ABHD17C: variants seen among roughly 807,000 people sequenced by gnomAD.
The protein encoded by ABHD17C is abhydrolase domain containing 17C, depalmitoylase.
Under a neutral mutation model 27.9 loss-of-function variants are expected in ABHD17C, and 11 were observed. The ratio of observed to expected loss-of-function variants is 0.39; its 90% CI spans 0.25 to 0.65. ABHD17C has a LOEUF of 0.65. ABHD17C is among the 30% of genes least tolerant of loss of function. The pLI, the probability that ABHD17C is intolerant of heterozygous loss-of-function variation, is 0.45. For synonymous variants in ABHD17C, 233 were observed against 209.1 expected (o/e 1.11, Z -0.98); for missense variants, 280 against 470.2 (o/e 0.60, Z 3.74).
intron 1 of ABHD17C, among the ~76,000 whole-genome samples, chr15:80,701,244 A>G (rs1479938234): frequency 2.0e-5 from 3 of 152,146 alleles, no homozygotes; most frequent in South Asian, 2.1e-4. Context: ...ATTCTCCTCC[A>G]GTAGCAAGTT....
At chr15:80,723,231 T>C (rs1274465256) in intron 1 of ABHD17C, among the ~76,000 whole-genome samples, 1 of 152,150 alleles carries the variant, frequency 6.6e-6, no homozygotes, top group Admixed American at 6.5e-5. Flanking sequence ...CCTGTGTTTT[T>C]CATTGTGAGC....
At chr15:80,733,978 TA>T (rs1895091102) in intron 1 of ABHD17C, among the ~76,000 whole-genome samples, 2 of 150,898 alleles carry the variant, frequency 1.3e-5, no homozygotes, top group Admixed American at 6.6e-5. Flanking sequence ...TTTATTTATT[TA>T]TTTATTTATT....
chr15:80,730,965 G>A (rs949294186), intron 1 of ABHD17C, among the ~76,000 whole-genome samples: 1 of 152,158 alleles, frequency 6.6e-6, no homozygotes, highest in African/African-American at 2.4e-5. Flanking sequence ...GTTTCATTAT[G>A]TTTGTACACT....
chr15:80,705,333 T>TTTTTTGTGTGTGTGTG (rs10523879), intron 1 of ABHD17C, among the ~76,000 whole-genome samples: 3 of 106,890 alleles, frequency 2.8e-5, no homozygotes, highest in African/African-American at 1.1e-4. Flanking sequence ...TTCCTATGAT[T>TTTTTTGTGTGTGTGTG]TGTGTGTGTG....
chr15:80,749,725 C>T (rs1035805829), intron 2 of ABHD17C, 33 bp downstream of exon 2: 1 of 1,589,570 alleles, frequency 6.3e-7, no homozygotes, highest in Admixed American at 1.7e-5. Context: ...AGTGGTAAGT[C>T]AGCCAATGAC....
chr15:80,721,398 G>A (rs1298521556), intron 1 of ABHD17C, among the ~76,000 whole-genome samples: 2 of 152,020 alleles, frequency 1.3e-5, no homozygotes, highest in African/African-American at 2.4e-5. Context: ...CTTGTATGTT[G>A]GTAGGTTAGC....
intron 1 of ABHD17C, among the ~76,000 whole-genome samples, chr15:80,737,205 G>A (rs779208944): frequency 2.6e-5 from 4 of 152,164 alleles, no homozygotes; most frequent in African/African-American, 4.8e-5. Flanking sequence ...ATGATTCAGG[G>A]CTGTGGCTTC....
chr15:80,720,964 G>A (rs192596148), intron 1 of ABHD17C, among the ~76,000 whole-genome samples: 1 of 151,892 alleles, frequency 6.6e-6, no homozygotes, highest in Admixed American at 6.6e-5. Flanking sequence ...CACTTAATGG[G>A]GGCCCTTACC....
At chr15:80,725,274 C>A (rs1409493120) in intron 1 of ABHD17C, among the ~76,000 whole-genome samples, 1 of 152,194 alleles carries the variant, frequency 6.6e-6, no homozygotes. Context: ...GTCAGCAGAC[C>A]CTTGGAATGG....
At chr15:80,741,597 A>G (rs1895212862) in intron 1 of ABHD17C, among the ~76,000 whole-genome samples, 1 of 152,142 alleles carries the variant, frequency 6.6e-6, no homozygotes, top group Admixed American at 6.5e-5. Context: ...TTAAGTTGAG[A>G]ACTTCCTATT....
intron 2 of ABHD17C, among the ~76,000 whole-genome samples, chr15:80,751,942 T>A (rs2141525545): frequency 6.6e-6 from 1 of 152,374 alleles, no homozygotes; most frequent in East Asian, 1.9e-4. Context: ...GAATCATCTG[T>A]GTCCCTCTCC....
At chr15:80,705,839 T>C (rs948862277) in intron 1 of ABHD17C, among the ~76,000 whole-genome samples, 1 of 152,190 alleles carries the variant, frequency 6.6e-6, no homozygotes, top group Non-Finnish European at 1.5e-5. Flanking sequence ...TTAAATCTGA[T>C]AGCATTTCAT....
At chr15:80,713,710 G>A (rs1894762065) in intron 1 of ABHD17C, among the ~76,000 whole-genome samples, 1 of 152,050 alleles carries the variant, frequency 6.6e-6, no homozygotes, top group Admixed American at 6.6e-5. Context: ...TCGGGAGGCT[G>A]AGGCACGAGA....
intron 1 of ABHD17C, among the ~76,000 whole-genome samples, chr15:80,720,485 A>T (rs1169867434): frequency 6.6e-6 from 1 of 152,176 alleles, no homozygotes; most frequent in Admixed American, 6.5e-5. Context: ...GGCACCTGGA[A>T]TGCAGAGCCT....
At chr15:80,715,291 G>T (rs1312931179) in intron 1 of ABHD17C, among the ~76,000 whole-genome samples, 1 of 152,188 alleles carries the variant, frequency 6.6e-6, no homozygotes, top group Non-Finnish European at 1.5e-5. Context: ...CATTTTTTAT[G>T]TTGATTCTGA....
chr15:80,726,605 C>CT (rs1474498822), intron 1 of ABHD17C, among the ~76,000 whole-genome samples: 1 of 150,586 alleles, frequency 6.6e-6, no homozygotes, highest in Non-Finnish European at 1.5e-5. Flanking sequence ...TCCGCCCCCC[C>CT]GCGTTCACAC....
chr15:80,717,568 A>G (rs1359116742), intron 1 of ABHD17C, among the ~76,000 whole-genome samples: 1 of 151,912 alleles, frequency 6.6e-6, no homozygotes, highest in Admixed American at 6.6e-5. Flanking sequence ...TAATTTTTGT[A>G]TCTTTAGTAT....
At chr15:80,739,084 G>T (rs763202139) in intron 1 of ABHD17C, among the ~76,000 whole-genome samples, 1 of 152,230 alleles carries the variant, frequency 6.6e-6, no homozygotes, top group Non-Finnish European at 1.5e-5. Context: ...AAAGAGCAGG[G>T]TAGATCTAGC....
intron 1 of ABHD17C, among the ~76,000 whole-genome samples, chr15:80,748,426 G>A (rs922767379): frequency 1.1e-4 from 17 of 152,056 alleles, no homozygotes; most frequent in Non-Finnish European, 2.5e-4. Context: ...TGTCCTTGCC[G>A]TCTTTCAACA....
Sources: gnomAD v4.1 joint callset for allele counts (sites outside exome capture counted in the v4.1 genomes callset) on GRCh38, gnomAD v4.1.1 for gene constraint, MANE v1.5 for transcripts, NCBI Gene and HGNC (gene_info 2026-07-23, HGNC 2026-07-21) for gene names.